Variants in RNF139 observed in about 807,000 individuals in gnomAD.
RNF139 encodes E3 ubiquitin-protein ligase RNF139.
In RNF139, 15 loss-of-function variants were observed where a neutral mutation model predicts 49.5. The ratio of observed to expected loss-of-function variants is 0.30; its 90% CI spans 0.20 to 0.47. The LOEUF (loss-of-function observed/expected upper bound fraction) is 0.47. Ranked by LOEUF, RNF139 falls within the 20% of genes least tolerant of loss-of-function variation. RNF139 has a pLI of 1.00. For missense variants in RNF139, 619 were observed against 806.3 expected (o/e 0.77, Z 2.81); for synonymous variants, 325 against 300.9 (o/e 1.08, Z -0.83).
At position 124,487,026 on chromosome 8, in the gene RNF139, T is replaced by C; in HGVS notation, c.1377T>C (p.Asp459=). ...YYNVLWEKLD[D]YVYYVRSTGS... is the part of the protein sequence containing the mutation. ...ATGTCCTCTGGGAAAAGCTTGACGATTATGTCTACTACGTTCGTTCAACAG... is the reference window on the plus strand; with the variant it reads ...ATGTCCTCTGGGAAAAGCTTGACGACTATGTCTACTACGTTCGTTCAACAG... The change falls in exon 2 of 2, where the codon GAT becomes GAC. Residue 459 remains aspartate, a synonymous_variant. Transcript: ENST00000303545. The C allele has an allele frequency of 6.2e-7, 1 of 1,614,098 alleles. No individual in the cohort carries two copies. The highest frequency in any genetic ancestry group is 8.5e-7 in the Non-Finnish European group (1 of 1,179,984).
At chr8:124,481,928 G>A (rs1197567999) in intron 1 of RNF139, among the ~76,000 whole-genome samples, 1 of 152,108 alleles carries the variant, frequency 6.6e-6, no homozygotes, top group Non-Finnish European at 1.5e-5. Context: ...TTTTTAAAAT[G>A]AGAGCAGATT....
chr8:124,475,196 C>T lies in RNF139; in HGVS notation c.87C>T (p.Pro29=). 7 of 1,614,020 alleles carry T rather than the reference C, an allele frequency of 4.3e-6. No homozygotes were observed. Among genetic ancestry groups the T allele is most frequent in the Non-Finnish European group, 5.9e-6 (7 of 1,179,972 alleles). The part of the protein sequence containing the change: ...WAALEVALRV[P]CLYIIDAIFN... ...CGCTCGAAGTGGCGCTCCGGGTGCC[C>T]TGCCTTTACATCATCGACGCCATCT... Residue 29 remains proline, a synonymous_variant, in exon 1 of 2, where the codon CCC becomes CCT. Transcript: ENST00000303545.
chr8:124,483,055 A>ATAT (rs1554601216), intron 1 of RNF139, among the ~76,000 whole-genome samples: 1 of 8,390 alleles, frequency 1.2e-4, no homozygotes, highest in Non-Finnish European at 2.1e-4. Context: ...AAATATATCT[A>ATAT]TTAAAAATAT....
chr8:124,480,177 C>A (rs1586522168), intron 1 of RNF139, among the ~76,000 whole-genome samples: 1 of 150,882 alleles, frequency 6.6e-6, no homozygotes, highest in East Asian at 2.0e-4. Flanking sequence ...GTATTCTTAC[C>A]TAGATGTATA....
Position 124,485,898 on chromosome 8 carries a change from C to T in RNF139, c.249C>T (p.Ser83=). 6.2e-7 allele frequency: 1 copy of T among 1,614,014 alleles called. No homozygotes were observed. Among genetic ancestry groups the T allele is most frequent in the South Asian group, 1.1e-5 (1 of 91,080 alleles). ...CACTTTTCAAGTTTTACACGTACAG[C>T]TCAGCCTTTCTGTTAGCTGCAACTT... is the stretch of plus-strand genomic sequence containing the variant. The part of the protein sequence containing the change: ...QRSLFKFYTY[S]SAFLLAATSV... Residue 83 remains serine, a synonymous_variant, in exon 2 of 2, where the codon AGC becomes AGT. Coordinates refer to ENST00000303545, the MANE Select transcript of RNF139 (RefSeq NM_007218.4).
chr8:124,482,941 A>T (rs28635338), intron 1 of RNF139, among the ~76,000 whole-genome samples: 1,125 of 102,264 alleles, frequency 0.011, 43 homozygotes, highest in Middle Eastern at 0.018. Context: ...AATATAAAAA[A>T]AAATATATAT....
Position 124,487,814 on chromosome 8 carries a change from T to TA in RNF139, c.*172dup. The stretch of plus-strand genomic sequence containing the variant: ...ATGTGCTACTGTAAATATACCTCTT[T>TA]AATTACTTCTGGTCTCTTTGGTGAC... On this transcript the variant is annotated 3_prime_UTR_variant, in exon 2 of 2. Coordinates refer to ENST00000303545, the MANE Select transcript of RNF139 (RefSeq NM_007218.4). The TA allele has an allele frequency of 1.6e-6, 1 of 609,886 alleles. No individual in the cohort carries two copies. Among genetic ancestry groups the TA allele is most frequent in the Non-Finnish European group, 2.8e-6 (1 of 359,722 alleles). The allele number at this position is 609,886 out of a possible 1,614,324, so 37.8% of individuals were successfully genotyped here. A position where few individuals can be genotyped will look rare whatever the true frequency, so the allele number is the denominator to read the frequency against.
In RNF139 at chr8:124,486,582, C is replaced by T; in HGVS notation, c.933C>T (p.Ala311=). Residue 311 remains alanine (A), a synonymous_variant, in exon 2 of 2, where the codon GCC becomes GCT. Transcript: ENST00000303545. ...VAHYLGLGIL[A]FIGSTEEDDR... ...ATTATTTGGGGCTTGGAATATTGGC[C>T]TTTATTGGATCAACTGAGGAAGATG... 1 of 1,614,096 alleles carries T rather than the reference C, an allele frequency of 6.2e-7. No individual in the cohort carries two copies. The highest frequency in any genetic ancestry group is 8.5e-7 in the Non-Finnish European group (1 of 1,180,016).
At chr8:124,483,073 T>TATA (rs374935639) in intron 1 of RNF139, among the ~76,000 whole-genome samples, 2 of 37,636 alleles carry the variant, frequency 5.3e-5, no homozygotes, top group Non-Finnish European at 1.0e-4. Flanking sequence ...TATATATATA[T>TATA]TATTTAAATA....
intron 1 of RNF139, among the ~76,000 whole-genome samples, chr8:124,483,902 A>G (rs1816490136): frequency 6.6e-6 from 1 of 152,174 alleles, no homozygotes; most frequent in South Asian, 2.1e-4. Flanking sequence ...CTTATTTTGT[A>G]CAAAATATTG....
intron 1 of RNF139, among the ~76,000 whole-genome samples, chr8:124,485,551 A>G (rs78996314): frequency 0.011 from 1,698 of 152,290 alleles, 29 homozygotes; most frequent in African/African-American, 0.038. Context: ...TAATTTAGTA[A>G]TTTGGTGCCT....
At chr8:124,479,636 G>A (rs1816373194) in intron 1 of RNF139, among the ~76,000 whole-genome samples, 1 of 152,122 alleles carries the variant, frequency 6.6e-6, no homozygotes, top group African/African-American at 2.4e-5. Context: ...TTAGATGCCA[G>A]TAGCACCTTG....
In RNF139 at chr8:124,487,281, T is replaced by C. The variant is rs750939840; in HGVS notation, c.1632T>C (p.Asn544=). Residue 544 remains asparagine (N), a synonymous_variant, in exon 2 of 2, where the codon AAT becomes AAC. Transcript: ENST00000303545. The part of the protein sequence containing the change: ...EIKGSRLQEI[N]DVCAICYHEF... Reference sequence around the variant, plus strand: ...AAGGGAGCCGCTTACAAGAAATAAATGATGTATGTGCAATCTGCTATCATG... The same window carrying C: ...AAGGGAGCCGCTTACAAGAAATAAACGATGTATGTGCAATCTGCTATCATG... 1.2e-5 allele frequency: 19 copies of C among 1,614,046 alleles called. No homozygotes were observed. The South Asian group carries it at 2.0e-4, about 17-fold the overall frequency.
Position 124,487,000 on chromosome 8 carries a change from A to T in RNF139, c.1351A>T (p.Asn451Tyr). ...GTTATTCATGATTGATGGCTACTAT[A>T]ATGTCCTCTGGGAAAAGCTTGACGA... is the stretch of plus-strand genomic sequence containing the variant. ...YTLFMIDGYY[N>Y]VLWEKLDDYV... Residue 451 changes from asparagine (N) to tyrosine (Y), a missense_variant, in exon 2 of 2, where the codon AAT becomes TAT. This residue lies in a region of RNF139 where 530 missense variants were observed against 728.9 expected (regional missense o/e 0.73). Coordinates refer to ENST00000303545, the MANE Select transcript of RNF139 (RefSeq NM_007218.4). The T allele has an allele frequency of 6.2e-7, 1 of 1,614,074 alleles. No individual in the cohort carries two copies. Among genetic ancestry groups the T allele is most frequent in the South Asian group, 1.1e-5 (1 of 91,086 alleles).
In RNF139 at chr8:124,487,677, T is replaced by G. The variant is rs1322454211; in HGVS notation, c.*33T>G. 1 of 1,551,346 alleles carries G rather than the reference T, an allele frequency of 6.4e-7. No homozygotes were observed. Among genetic ancestry groups the G allele is most frequent in the East Asian group, 2.3e-5 (1 of 44,308 alleles). On this transcript the variant is annotated 3_prime_UTR_variant, in exon 2 of 2. Coordinates refer to ENST00000303545, the MANE Select transcript of RNF139 (RefSeq NM_007218.4). The stretch of plus-strand genomic sequence containing the variant: ...AGCATTTATTAATGATTGAGGTATT[T>G]GTTTAAAATTCAGTTCATCCAAAAT...
At chr8:124,481,931 A>G (rs1316498103) in intron 1 of RNF139, among the ~76,000 whole-genome samples, 1 of 152,154 alleles carries the variant, frequency 6.6e-6, no homozygotes, top group Admixed American at 6.6e-5. Context: ...TTAAAATGAG[A>G]GCAGATTCTT....
rs1308654959 is a variant in RNF139, at chr8:124,480,722, G to A, written c.182-5109G>A. ...CAGCTTCTTTCTTCCCAGAAGTGGCGGCTGGGGGTAGGAATCAAAGTTATA... is the reference window on the plus strand; with the variant it reads ...CAGCTTCTTTCTTCCCAGAAGTGGCAGCTGGGGGTAGGAATCAAAGTTATA... On this transcript the variant is annotated intron_variant, in intron 1 of 1. Coordinates refer to ENST00000303545, the MANE Select transcript of RNF139 (RefSeq NM_007218.4). Among the ~76,000 whole-genome samples the A allele has an allele frequency of 2.6e-5, 4 of 152,068 alleles. No homozygotes were observed. In the South Asian group the frequency reaches 6.2e-4, roughly 24 times the overall value.
At chr8:124,475,877 TC>T (rs1816305405) in intron 1 of RNF139, among the ~76,000 whole-genome samples, 1 of 152,216 alleles carries the variant, frequency 6.6e-6, no homozygotes, top group Non-Finnish European at 1.5e-5. Flanking sequence ...CCTAAAATTT[TC>T]CATGAATAAA....
chr8:124,477,908 A>G (rs1816339110), intron 1 of RNF139, among the ~76,000 whole-genome samples: 1 of 152,204 alleles, frequency 6.6e-6, no homozygotes, highest in Admixed American at 6.5e-5. Context: ...AAATCTGAAA[A>G]ATTTCAGTAC....
Sources: gnomAD v4.1 joint callset for allele counts (sites outside exome capture counted in the v4.1 genomes callset) on GRCh38, gnomAD v4.1.1 for gene constraint, gnomAD v4.1.1 regional missense constraint, MANE v1.5 for transcripts, NCBI Gene and HGNC (gene_info 2026-07-23, HGNC 2026-07-21) for gene names.